PPFIA2: variants seen among roughly 807,000 people sequenced by gnomAD.
The protein encoded by PPFIA2 is liprin-alpha-2.
PPFIA2 carries 46 observed loss-of-function variants against 175.5 expected under a neutral mutation model. The observed-to-expected ratio is 0.26, with a 90% CI of 0.21 to 0.34. PPFIA2 has a LOEUF of 0.34. Among genes scored for constraint, PPFIA2 ranks in the 10% least tolerant of loss-of-function variants. PPFIA2 has a pLI of 1.00. For missense variants in PPFIA2, 1,179 were observed against 1,506.1 expected (o/e 0.78, Z 3.60); for synonymous variants, 568 against 511.4 (o/e 1.11, Z -1.49).
In PPFIA2 at chr12:81,463,874, C is replaced by A. The variant is rs183174753; in HGVS notation, c.304-6008G>T. Among the ~76,000 whole-genome samples, 117 of 152,122 alleles carry A rather than the reference C, an allele frequency of 7.7e-4. 2 individuals carry two copies. The highest frequency in any genetic ancestry group is 2.1e-3 in the Admixed American group (32 of 15,236). On this transcript the variant is annotated intron_variant, in intron 4 of 32. Coordinates refer to ENST00000549396, the MANE Select transcript of PPFIA2 (RefSeq NM_003625.5). ...AAAAAGAGGAAAATAAAATAACTTT[C>A]TTTTCTGTTAATATCTTAAAATTTT...
chr12:81,723,250 C>T (rs1323558146), intron 3 of PPFIA2, among the ~76,000 whole-genome samples: 1 of 150,972 alleles, frequency 6.6e-6, no homozygotes, highest in Non-Finnish European at 1.5e-5. Context: ...ACTCTTCCTG[C>T]CTGTATTTAA....
intron 4 of PPFIA2, among the ~76,000 whole-genome samples, chr12:81,466,134 A>G (rs2055576777): frequency 6.6e-6 from 1 of 152,192 alleles, no homozygotes; most frequent in African/African-American, 2.4e-5. Context: ...AACTGGACTC[A>G]GAATTTTCAC....
intron 4 of PPFIA2, among the ~76,000 whole-genome samples, chr12:81,663,316 A>G (rs2069344429): frequency 6.6e-6 from 1 of 152,192 alleles, no homozygotes; most frequent in Non-Finnish European, 1.5e-5. Flanking sequence ...AAACCTCCTT[A>G]AGCTGATAAG....
At chr12:81,612,342 C>A (rs887855990) in intron 4 of PPFIA2, among the ~76,000 whole-genome samples, 1 of 152,144 alleles carries the variant, frequency 6.6e-6, no homozygotes. Context: ...TATTGAGGAG[C>A]TATGATGTGC....
At chr12:81,362,161 T>G (rs1410616412) in intron 15 of PPFIA2, among the ~76,000 whole-genome samples, 1 of 151,262 alleles carries the variant, frequency 6.6e-6, no homozygotes, top group Non-Finnish European at 1.5e-5. Flanking sequence ...TTTCTTTTCT[T>G]TTATCTGATT....
intron 19 of PPFIA2, among the ~76,000 whole-genome samples, chr12:81,343,578 G>A (rs1174719654): frequency 1.3e-5 from 2 of 151,980 alleles, no homozygotes; most frequent in African/African-American, 4.8e-5. Flanking sequence ...TCCAATGTTT[G>A]GGTGTAAGCT....
At chr12:81,731,259 T>C (rs1362273145) in intron 3 of PPFIA2, among the ~76,000 whole-genome samples, 2 of 151,692 alleles carry the variant, frequency 1.3e-5, no homozygotes, top group African/African-American at 2.4e-5. Context: ...AGGAAGGCTA[T>C]ATCTGGTCTG....
intron 4 of PPFIA2, among the ~76,000 whole-genome samples, chr12:81,579,957 A>G (rs1237933916): frequency 1.3e-5 from 2 of 151,710 alleles, no homozygotes; most frequent in African/African-American, 4.8e-5. Context: ...GAAGTTCGAG[A>G]ATCACTGTAA....
At chr12:81,661,289 G>A (rs1442574523) in intron 4 of PPFIA2, among the ~76,000 whole-genome samples, 6 of 152,186 alleles carry the variant, frequency 3.9e-5, no homozygotes, top group Admixed American at 1.3e-4. Context: ...TCTGTGTACT[G>A]TATTCAGGAA....
intron 5 of PPFIA2, among the ~76,000 whole-genome samples, chr12:81,450,145 G>T (rs1266876441): frequency 6.6e-6 from 1 of 152,120 alleles, no homozygotes; most frequent in Admixed American, 6.6e-5. Context: ...AATCCTTTGG[G>T]TATATACCCA....
intron 7 of PPFIA2, among the ~76,000 whole-genome samples, chr12:81,436,279 TAAAAAAAAAAAAAAAAAAAAAAA>T (rs763809833): frequency 1.2e-3 from 52 of 44,798 alleles, no homozygotes; most frequent in South Asian, 2.8e-3. Context: ...AGACCCTGTC[TAAAAAAAAAAAAAAAAAAAAAAA>T]AAAAAAAAAA....
chr12:81,492,376 T>C (rs1326613007), intron 4 of PPFIA2, among the ~76,000 whole-genome samples: 1 of 152,038 alleles, frequency 6.6e-6, no homozygotes, highest in Non-Finnish European at 1.5e-5. Flanking sequence ...TCCTTGCCCC[T>C]AGGGAGCTTA....
chr12:81,368,481 A>G (rs1179822217), intron 13 of PPFIA2, among the ~76,000 whole-genome samples: 1 of 151,820 alleles, frequency 6.6e-6, no homozygotes, highest in Non-Finnish European at 1.5e-5. Flanking sequence ...ATATTTTAAT[A>G]CATTTGCCTC....
At chr12:81,704,263 A>C (rs527316606) in intron 3 of PPFIA2, among the ~76,000 whole-genome samples, 7 of 152,268 alleles carry the variant, frequency 4.6e-5, no homozygotes, top group African/African-American at 1.4e-4. Flanking sequence ...TTCAATATTA[A>C]ACATAATTGT....
chr12:81,431,232 A>G (rs1328238101), intron 7 of PPFIA2: 1 of 152,204 alleles, frequency 6.6e-6, no homozygotes, highest in African/African-American at 2.4e-5. Context: ...GTCTGGCTTA[A>G]TTACATAATT....
At chr12:81,752,851 A>G (rs1282005066) in intron 3 of PPFIA2, among the ~76,000 whole-genome samples, 2 of 152,160 alleles carry the variant, frequency 1.3e-5, no homozygotes, top group Non-Finnish European at 2.9e-5. Flanking sequence ...TTTAAAAGAA[A>G]GTTTTAGTTT....
At chr12:81,379,723 T>G (rs2037211689) in intron 9 of PPFIA2, among the ~76,000 whole-genome samples, 1 of 152,194 alleles carries the variant, frequency 6.6e-6, no homozygotes, top group East Asian at 1.9e-4. Context: ...TAAGGAGTTT[T>G]GTTTGAAGAC....
intron 4 of PPFIA2, among the ~76,000 whole-genome samples, chr12:81,595,692 TAAG>T (rs1303338285): frequency 6.6e-6 from 1 of 152,194 alleles, no homozygotes; most frequent in African/African-American, 2.4e-5. Context: ...GGTCTTGTAC[TAAG>T]AATATCCTTC....
intron 4 of PPFIA2, among the ~76,000 whole-genome samples, chr12:81,666,510 G>A (rs1181391767): frequency 6.6e-6 from 1 of 152,012 alleles, no homozygotes; most frequent in East Asian, 1.9e-4. Context: ...CTATCACAAG[G>A]ACAAAAAACC....
Sources: allele counts gnomAD v4.1 joint callset (sites outside exome capture counted in the v4.1 genomes callset), GRCh38; gene constraint gnomAD v4.1.1; transcripts MANE v1.5; gene names NCBI Gene and HGNC (gene_info 2026-07-23, HGNC 2026-07-21).